The following LMO7 variants were observed in gnomAD, a reference collection of about 807,000 sequenced individuals.
The protein encoded by LMO7 is LIM domain 7.
In LMO7, 120 loss-of-function variants were observed where a neutral mutation model predicts 206.5. The ratio of observed to expected loss-of-function variants is 0.58; its 90% CI spans 0.50 to 0.68. LMO7 has a LOEUF of 0.68. Ranked by LOEUF, LMO7 falls within the 30% of genes least tolerant of loss-of-function variation. LMO7 has a pLI of 0.00. For synonymous variants in LMO7, 706 were observed against 681.5 expected (o/e 1.04, Z -0.56); for missense variants, 1,959 against 1,957.9 (o/e 1.00, Z -0.01).
At chr13:75,810,657 T>A (rs2056250263) in intron 11 of LMO7, among the ~76,000 whole-genome samples, 1 of 152,204 alleles carries the variant, frequency 6.6e-6, no homozygotes, top group Non-Finnish European at 1.5e-5. Context: ...TTCAGAAAAA[T>A]TTTCATTTGT....
intron 1 of LMO7, among the ~76,000 whole-genome samples, chr13:75,671,371 C>T (rs923544324): frequency 3.3e-5 from 5 of 152,170 alleles, no homozygotes; most frequent in Non-Finnish European, 5.9e-5. Flanking sequence ...ACCACAAACA[C>T]ATAATGCATT....
chr13:75,651,641 T>C (rs542560380), intron 1 of LMO7, among the ~76,000 whole-genome samples: 4 of 152,342 alleles, frequency 2.6e-5, no homozygotes, highest in South Asian at 4.1e-4. Context: ...TTATTCAGTT[T>C]AGTTACAGCA....
intron 9 of LMO7, chr13:75,807,256 C>T (rs2055650596): frequency 3.8e-6 from 2 of 528,736 alleles, no homozygotes; most frequent in South Asian, 5.0e-5. Context: ...GAGAAGTATG[C>T]TCTGCTCTTA....
intron 1 of LMO7, among the ~76,000 whole-genome samples, chr13:75,681,239 G>C (rs2040458701): frequency 6.6e-6 from 1 of 152,078 alleles, no homozygotes; most frequent in Admixed American, 6.5e-5. Flanking sequence ...CTTTGCCCAT[G>C]TCTATGTCCT....
At chr13:75,826,358 A>C (rs575534645) in intron 15 of LMO7, among the ~76,000 whole-genome samples, 23 of 152,176 alleles carry the variant, frequency 1.5e-4, no homozygotes, top group Admixed American at 1.0e-3. Context: ...ACTCTTTTCT[A>C]TCCTGGCTTC....
chr13:75,623,158 G>A (rs1362830528), intron 1 of LMO7: 3 of 614,750 alleles, frequency 4.9e-6, no homozygotes, highest in Non-Finnish European at 8.7e-6. Context: ...ATAGTATCAT[G>A]CTTTGGAATT....
intron 2 of LMO7, among the ~76,000 whole-genome samples, chr13:75,716,547 G>C (rs1594477186): frequency 6.6e-6 from 1 of 152,030 alleles, no homozygotes; most frequent in East Asian, 1.9e-4. Context: ...AACACTGTCT[G>C]ATATTTTTGC....
intron 16 of LMO7, among the ~76,000 whole-genome samples, chr13:75,833,621 G>C (rs2058872985): frequency 6.6e-6 from 1 of 151,968 alleles, no homozygotes; most frequent in African/African-American, 2.4e-5. Context: ...CCCCTCCCCT[G>C]TCCAGGTCTA....
In LMO7 at chr13:75,654,211, C is replaced by T. The variant is rs139540731; in HGVS notation, c.69+17485C>T. On this transcript the variant is annotated intron_variant, in intron 1 of 30. Transcript: ENST00000377534. ...AGGAGACTCTACAAAGAATTCAAGG[C>T]ACAGAAGGTAGCAACAGTAGGAAGA... Among the ~76,000 whole-genome samples the T allele has an allele frequency of 2.1e-3, 322 of 152,232 alleles. 1 individual carries two copies. The highest frequency in any genetic ancestry group is 7.4e-3 in the African/African-American group (309 of 41,532).
chr13:75,672,476 G>T (rs2139398988), intron 1 of LMO7, among the ~76,000 whole-genome samples: 1 of 152,192 alleles, frequency 6.6e-6, no homozygotes, highest in South Asian at 2.1e-4. Flanking sequence ...CCCTACCTCA[G>T]GTGATACAAT....
Position 75,804,554 on chromosome 13 carries a change from G to T in LMO7, c.914+13G>T, listed in dbSNP as rs1326678427. ...GAACATTTTCAAGGTACTGAGATGG[G>T]TGTGATTATTGAGTTTCGTATGCTT... On this transcript the variant is annotated intron_variant, in intron 8 of 30. Transcript: ENST00000377534. 2 of 1,607,292 alleles carry T rather than the reference G, an allele frequency of 1.2e-6. No homozygotes were observed. Among genetic ancestry groups the T allele is most frequent in the Non-Finnish European group, 8.5e-7 (1 of 1,176,832 alleles).
intron 1 of LMO7, among the ~76,000 whole-genome samples, chr13:75,681,970 C>A (rs558059697): frequency 8.6e-5 from 13 of 151,642 alleles, no homozygotes; most frequent in Middle Eastern, 3.4e-3. Context: ...AGCATTCATC[C>A]TACGGTTTTT....
At chr13:75,801,432 A>T (rs2054721839) in intron 7 of LMO7, among the ~76,000 whole-genome samples, 1 of 152,196 alleles carries the variant, frequency 6.6e-6, no homozygotes, top group Non-Finnish European at 1.5e-5. Flanking sequence ...ACCACCACCT[A>T]ACATGCAGGT....
At chr13:75,757,562 C>T (rs909229752) in intron 3 of LMO7, among the ~76,000 whole-genome samples, 10 of 152,066 alleles carry the variant, frequency 6.6e-5, no homozygotes, top group Admixed American at 6.6e-4. Flanking sequence ...GTTACCCTAG[C>T]CCACTCCACC....
intron 12 of LMO7, among the ~76,000 whole-genome samples, chr13:75,819,030 T>C (rs977292965): frequency 9.9e-5 from 15 of 152,200 alleles, no homozygotes; most frequent in African/African-American, 1.4e-4. Flanking sequence ...CAGTGAAACA[T>C]GTTTCGCAGA....
At chr13:75,795,604 G>A (rs2053896702) in intron 5 of LMO7, among the ~76,000 whole-genome samples, 173 bp downstream of exon 5, 2 of 152,150 alleles carry the variant, frequency 1.3e-5, no homozygotes, top group Admixed American at 1.3e-4. Context: ...ACAATATATG[G>A]TTAGGCTGTT....
intron 2 of LMO7, chr13:75,628,263 C>T (rs1369278854): frequency 6.6e-6 from 1 of 152,202 alleles, no homozygotes; most frequent in Non-Finnish European, 1.5e-5. Flanking sequence ...GGAGGTTTGT[C>T]TTCTTTTTGG....
chr13:75,834,069 T>A (rs1010220075), intron 16 of LMO7, among the ~76,000 whole-genome samples, 157 bp from the exon 17 acceptor site: 2 of 152,168 alleles, frequency 1.3e-5, no homozygotes, highest in Non-Finnish European at 1.5e-5. Context: ...TATGTTGTAC[T>A]CAGATATTTG....
intron 3 of LMO7, among the ~76,000 whole-genome samples, chr13:75,745,811 C>A (rs1012840351): frequency 6.6e-6 from 1 of 152,174 alleles, no homozygotes; most frequent in African/African-American, 2.4e-5. Context: ...AAGTATAGAG[C>A]CTGCTGCTTT....
Sources: allele counts gnomAD v4.1 joint callset (sites outside exome capture counted in the v4.1 genomes callset), GRCh38; gene constraint gnomAD v4.1.1; transcripts MANE v1.5; gene names NCBI Gene and HGNC (gene_info 2026-07-23, HGNC 2026-07-21).